The following TRA2B variants were observed in gnomAD, a reference collection of about 807,000 sequenced individuals.
TRA2B encodes transformer 2 beta homolog.
In TRA2B, 14 loss-of-function variants were observed where a neutral mutation model predicts 41.7. The ratio of observed to expected loss-of-function variants is 0.34; its 90% CI spans 0.22 to 0.53. TRA2B has a LOEUF of 0.53. Ranked by LOEUF, TRA2B falls within the 20% of genes least tolerant of loss-of-function variation. The pLI, the probability that TRA2B is intolerant of heterozygous loss-of-function variation, is 0.95. For missense variants in TRA2B, 167 were observed against 396.8 expected, an observed-to-expected ratio of 0.42 and a Z score of 4.92; for synonymous variants, 130 against 128.8, an observed-to-expected ratio of 1.01 and a Z score of -0.06.
At chr3:185,926,385 A>C (rs886521637) in intron 2 of TRA2B, among the ~76,000 whole-genome samples, 2 of 152,196 alleles carry the variant, frequency 1.3e-5, no homozygotes, top group Admixed American at 1.3e-4. Flanking sequence ...CTGAAAGGTT[A>C]ATCTGCCCAA....
chr3:185,934,060 T>A (rs1266470519), intron 1 of TRA2B, among the ~76,000 whole-genome samples: 2 of 152,196 alleles, frequency 1.3e-5, no homozygotes, highest in African/African-American at 4.8e-5. Flanking sequence ...GAACTTCTTT[T>A]GGTTTGCAGT....
intron 8 of TRA2B, 119 bp from the exon 9 acceptor site, chr3:185,917,844 C>A (rs1024956293): frequency 3.1e-6 from 3 of 957,912 alleles, no homozygotes; most frequent in Non-Finnish European, 4.9e-6. Context: ...CAGAACCCCA[C>A]CACCCCCAAA....
intron 6 of TRA2B, among the ~76,000 whole-genome samples, chr3:185,920,140 A>G (rs1388257709): frequency 6.6e-6 from 1 of 151,026 alleles, no homozygotes; most frequent in Non-Finnish European, 1.5e-5. Flanking sequence ...GGCAAAAATA[A>G]AAAGCCACAT....
rs984440320 is a variant in TRA2B at position 185,914,590 on chromosome 3, T to C, written c.*3125A>G. On this transcript the variant is annotated 3_prime_UTR_variant, in exon 9 of 9. Transcript: ENST00000453386. Reference sequence around the variant, plus strand: ...CACTTTTAAGTCTTTACATTATATATTAAAGATTACACATAATAATCCTTT... The same window carrying C: ...CACTTTTAAGTCTTTACATTATATACTAAAGATTACACATAATAATCCTTT... Among the ~76,000 whole-genome samples the C allele has an allele frequency of 3.9e-5, 6 of 152,162 alleles. No individual in the cohort carries two copies. Among genetic ancestry groups the C allele is most frequent in the Non-Finnish European group, 1.5e-5 (1 of 68,028 alleles).
At chr3:185,936,087 T>G (rs1744341025) in intron 1 of TRA2B, 1 of 985,286 alleles carries the variant, frequency 1.0e-6, no homozygotes, top group Non-Finnish European at 1.2e-6. Flanking sequence ...ACTAATGAAC[T>G]CTGGGCAATT....
intron 6 of TRA2B, 35 bp from the exon 7 acceptor site, chr3:185,919,531 A>G (rs757876200): frequency 2.6e-6 from 4 of 1,559,416 alleles, no homozygotes; most frequent in South Asian, 2.3e-5. Context: ...ACACGCATTC[A>G]GTTTGTAAGT....
At chr3:185,921,826 A>G (rs1743750388) in intron 5 of TRA2B, among the ~76,000 whole-genome samples, 185 bp downstream of exon 5, 1 of 152,180 alleles carries the variant, frequency 6.6e-6, no homozygotes, top group South Asian at 2.1e-4. Context: ...GACTTGACTA[A>G]GATTTAGTTT....
chr3:185,919,579 C>CT (rs1393991128), intron 6 of TRA2B, 83 bp from the exon 7 acceptor site: 2 of 1,183,734 alleles, frequency 1.7e-6, no homozygotes, highest in East Asian at 5.1e-5. Flanking sequence ...AAAATAAAAA[C>CT]TTTCATAGAG....
At chr3:185,920,731 C>T (rs549817157) in intron 6 of TRA2B, among the ~76,000 whole-genome samples, 2 of 152,106 alleles carry the variant, frequency 1.3e-5, no homozygotes, top group South Asian at 4.2e-4. Flanking sequence ...CTGGTAGAGA[C>T]GGGGTTCACC....
At chr3:185,918,552 G>A (rs1309016655) in intron 7 of TRA2B, 114 bp from the exon 8 acceptor site, 1 of 593,624 alleles carries the variant, frequency 1.7e-6, no homozygotes, top group Non-Finnish European at 2.9e-6. Flanking sequence ...AAGGAAAGCT[G>A]CATGAACCTT....
At chr3:185,934,333 AAGG>A (rs1744264748) in intron 1 of TRA2B, 7 of 985,260 alleles carry the variant, frequency 7.1e-6, no homozygotes, top group Non-Finnish European at 7.2e-6. Flanking sequence ...ATTGTAGAGA[AAGG>A]AGGAAAAAAC....
At chr3:185,937,758 G>A in intron 1 of TRA2B, 67 bp downstream of exon 1, 5 of 1,604,936 alleles carry the variant, frequency 3.1e-6, no homozygotes, top group Non-Finnish European at 4.3e-6. Context: ...GCCCGAGGCC[G>A]ACGGGCCTAG....
chr3:185,936,325 T>C lies in TRA2B; in HGVS notation c.36+1500A>G. 4 of 985,254 alleles carry C rather than the reference T, an allele frequency of 4.1e-6. No individual in the cohort carries two copies. In the South Asian group the frequency reaches 1.9e-4, roughly 46 times the overall value. The allele number at this position is 985,254 out of a possible 1,614,324, so 61.0% of individuals were successfully genotyped here. ...ACTTTTTAACAACTTTTGAGCTCAA[T>C]CCCAACTTTCTTACCCAAGAAAGCA... On this transcript the variant is annotated intron_variant, in intron 1 of 8. Transcript: ENST00000453386.
intron 1 of TRA2B, among the ~76,000 whole-genome samples, chr3:185,934,192 G>A (rs1376455280): frequency 6.6e-6 from 1 of 152,122 alleles, no homozygotes; most frequent in Admixed American, 6.5e-5. Flanking sequence ...TAAAAAAACA[G>A]TCGCATATGT....
chr3:185,928,511 T>TCC (rs976215685), intron 1 of TRA2B: 3 of 152,206 alleles, frequency 2.0e-5, no homozygotes, highest in Non-Finnish European at 4.4e-5. Flanking sequence ...CCCTTGGAAT[T>TCC]CCCTATCAAG....
chr3:185,935,795 CA>C, intron 1 of TRA2B: 1 of 985,278 alleles, frequency 1.0e-6, no homozygotes, highest in East Asian at 1.1e-4. Context: ...TTAAAGGTTC[CA>C]ATTGGAACAC....
intron 6 of TRA2B, 106 bp downstream of exon 6, chr3:185,920,998 A>G: frequency 4.6e-6 from 4 of 875,362 alleles, no homozygotes; most frequent in Non-Finnish European, 7.0e-6. Context: ...TTTCTCGAGT[A>G]AAAGTACTAA....
intron 1 of TRA2B, chr3:185,928,775 A>G (rs1247176616): frequency 6.6e-6 from 1 of 152,258 alleles, no homozygotes; most frequent in African/African-American, 2.4e-5. Context: ...CTACCAATAA[A>G]GTAACTGTAG....
intron 1 of TRA2B, among the ~76,000 whole-genome samples, chr3:185,933,294 T>C (rs1237694072): frequency 6.6e-6 from 1 of 152,206 alleles, no homozygotes; most frequent in East Asian, 1.9e-4. Flanking sequence ...TGGTTCCTTC[T>C]CTTATAGTCT....
Sources: gnomAD v4.1 joint callset for allele counts (sites outside exome capture counted in the v4.1 genomes callset) on GRCh38, gnomAD v4.1.1 for gene constraint, MANE v1.5 for transcripts, NCBI Gene and HGNC (gene_info 2026-07-23, HGNC 2026-07-21) for gene names.